The following TMTC2 variants were observed in gnomAD, a reference collection of about 807,000 sequenced individuals.
TMTC2 encodes the protein transmembrane O-mannosyltransferase targeting cadherins 2.
In TMTC2, 43 loss-of-function variants were observed where a neutral mutation model predicts 82.4. That is an observed-to-expected ratio of 0.52 (90% CI 0.41 to 0.67). The LOEUF (loss-of-function observed/expected upper bound fraction) is 0.67, where lower values mean the gene tolerates loss of function less well. TMTC2 is among the 30% of genes least tolerant of loss of function. The probability of loss-of-function intolerance (pLI) is 0.00; values close to 1 mark genes in which losing one functional copy is unlikely to be tolerated. For synonymous variants in TMTC2, 408 were observed against 381.9 expected, an observed-to-expected ratio of 1.07 and a Z score of -0.80; for missense variants, 919 against 1,012.4, an observed-to-expected ratio of 0.91 and a Z score of 1.25.
chr12:82,846,061 C>T (rs971380750), intron 1 of TMTC2, among the ~76,000 whole-genome samples: 14 of 151,724 alleles, frequency 9.2e-5, no homozygotes, highest in African/African-American at 3.4e-4. Flanking sequence ...TCATTTTCTC[C>T]TACTAAGAGG....
intron 11 of TMTC2, among the ~76,000 whole-genome samples, chr12:83,090,120 G>T (rs1883795353): frequency 6.6e-6 from 1 of 152,172 alleles, no homozygotes. Flanking sequence ...ATTGTTAACT[G>T]TAGTTTGGAT....
chr12:82,734,753 G>A (rs1874999492), intron 1 of TMTC2, among the ~76,000 whole-genome samples: 1 of 152,136 alleles, frequency 6.6e-6, no homozygotes, highest in Admixed American at 6.6e-5. Context: ...ATGTACTTGA[G>A]TTAAAGTCTA....
intron 2 of TMTC2, among the ~76,000 whole-genome samples, chr12:82,876,096 A>C: frequency 8.4e-6 from 1 of 119,020 alleles, no homozygotes. Context: ...TAGTATTCAT[A>C]ATGGTGGTGG....
At chr12:83,002,949 G>GT (rs1565847827) in intron 8 of TMTC2, among the ~76,000 whole-genome samples, 1 of 151,982 alleles carries the variant, frequency 6.6e-6, no homozygotes, top group East Asian at 1.9e-4. Flanking sequence ...TTAGGCCTAG[G>GT]TTTTTTTGTT....
chr12:83,020,781 G>A (rs1404597579), intron 8 of TMTC2, among the ~76,000 whole-genome samples: 1 of 152,140 alleles, frequency 6.6e-6, no homozygotes, highest in Non-Finnish European at 1.5e-5. Context: ...CTTTAAGTTA[G>A]AAGGGAAAAT....
intron 4 of TMTC2, among the ~76,000 whole-genome samples, chr12:82,942,487 T>C (rs989368246): frequency 2.6e-5 from 4 of 152,194 alleles, no homozygotes; most frequent in Non-Finnish European, 5.9e-5. Context: ...CATATTTTTC[T>C]GTAGGAAAAA....
At chr12:82,832,343 GT>G (rs202150424) in intron 1 of TMTC2, among the ~76,000 whole-genome samples, 7,754 of 143,620 alleles carry the variant, frequency 0.054, 472 homozygotes, top group African/African-American at 0.15. Context: ...TTATGTACAA[GT>G]TTTTTTTTTT....
intron 11 of TMTC2, among the ~76,000 whole-genome samples, chr12:83,062,092 A>G (rs1008635846): frequency 6.6e-6 from 1 of 151,774 alleles, no homozygotes; most frequent in Non-Finnish European, 1.5e-5. Context: ...TAAGATTTTT[A>G]TCACTTGAAC....
chr12:83,118,572 C>G (rs1884845348), intron 11 of TMTC2, among the ~76,000 whole-genome samples: 1 of 152,158 alleles, frequency 6.6e-6, no homozygotes, highest in African/African-American at 2.4e-5. Flanking sequence ...ATTCGGTTAG[C>G]TAGTATTTTG....
At chr12:83,005,857 T>A (rs1026155121) in intron 8 of TMTC2, among the ~76,000 whole-genome samples, 1 of 152,210 alleles carries the variant, frequency 6.6e-6, no homozygotes, top group African/African-American at 2.4e-5. Context: ...CACCTTGATA[T>A]CTTAGGAAAG....
At chr12:82,905,933 G>A (rs1249387094) in intron 3 of TMTC2, among the ~76,000 whole-genome samples, 2 of 146,132 alleles carry the variant, frequency 1.4e-5, no homozygotes, top group African/African-American at 5.1e-5. Context: ...CAACAAGAGC[G>A]AAACTCTGTC....
chr12:82,868,315 T>C (rs1160234564), intron 2 of TMTC2, among the ~76,000 whole-genome samples: 1 of 152,180 alleles, frequency 6.6e-6, no homozygotes, highest in Non-Finnish European at 1.5e-5. Flanking sequence ...CAGCAAAGAA[T>C]GGAATGCTTG....
At chr12:83,052,579 T>A (rs1882391344) in intron 10 of TMTC2, among the ~76,000 whole-genome samples, 1 of 152,106 alleles carries the variant, frequency 6.6e-6, no homozygotes, top group South Asian at 2.1e-4. Context: ...AATAAACAAT[T>A]TGCAAGAATG....
intron 2 of TMTC2, among the ~76,000 whole-genome samples, chr12:82,877,069 A>T (rs1350843493): frequency 1.3e-5 from 2 of 151,674 alleles, no homozygotes; most frequent in Non-Finnish European, 2.9e-5. Context: ...TTTTTTTTTT[A>T]AATATCAAAG....
At chr12:82,767,168 C>G (rs1023759842) in intron 1 of TMTC2, among the ~76,000 whole-genome samples, 1 of 152,186 alleles carries the variant, frequency 6.6e-6, no homozygotes, top group African/African-American at 2.4e-5. Flanking sequence ...TCTTGAATTA[C>G]AGTATTGCTG....
rs971240991 is a variant in TMTC2 at position 82,882,006 on chromosome 12, T to C, written c.655-13812T>C. On this transcript the variant is annotated intron_variant, in intron 2 of 11. Coordinates refer to ENST00000321196, the MANE Select transcript of TMTC2 (RefSeq NM_152588.3). ...TTTTGTTGTTAAGATTTTTTTTTTT[T>C]TTTTTTTTTTTGAGACGGAGTCTCT... Among the ~76,000 whole-genome samples the C allele has an allele frequency of 4.8e-5, 7 of 146,504 alleles. No homozygotes were observed. The East Asian group carries it at 1.4e-3, about 29-fold the overall frequency.
At chr12:82,784,477 G>A (rs1405955161) in intron 1 of TMTC2, among the ~76,000 whole-genome samples, 1 of 152,070 alleles carries the variant, frequency 6.6e-6, no homozygotes, top group African/African-American at 2.4e-5. Context: ...TGATACATCG[G>A]TGTTTCCTCC....
At chr12:82,759,592 G>C (rs1327027351) in intron 1 of TMTC2, 4 of 152,110 alleles carry the variant, frequency 2.6e-5, no homozygotes, top group Non-Finnish European at 1.5e-5. Context: ...CAAAATTCCA[G>C]CACTTGATTG....
chr12:82,762,218 C>T (rs1353397035), intron 1 of TMTC2, among the ~76,000 whole-genome samples: 2 of 152,080 alleles, frequency 1.3e-5, no homozygotes, highest in African/African-American at 4.8e-5. Flanking sequence ...CCACCCACCT[C>T]GGCCTCCCAA....
Sources: allele counts gnomAD v4.1 joint callset (sites outside exome capture counted in the v4.1 genomes callset), GRCh38; gene constraint gnomAD v4.1.1; transcripts MANE v1.5; gene names NCBI Gene and HGNC (gene_info 2026-07-23, HGNC 2026-07-21).